Variants in STXBP4 observed in about 807,000 individuals in gnomAD.
STXBP4 encodes syntaxin-binding protein 4.
In STXBP4, 55 loss-of-function variants were observed where a neutral mutation model predicts 76.1. That is an observed-to-expected ratio of 0.72 (90% CI 0.58 to 0.91). The LOEUF is 0.91. Among genes scored for constraint, STXBP4 ranks in the 40% least tolerant of loss-of-function variants. The probability of loss-of-function intolerance (pLI) is 0.00; values close to 1 mark genes in which losing one functional copy is unlikely to be tolerated. For missense variants in STXBP4, 618 were observed against 636.9 expected, an observed-to-expected ratio of 0.97 and a Z score of 0.32; for synonymous variants, 201 against 220.2, an observed-to-expected ratio of 0.91 and a Z score of 0.77.
chr17:55,081,104 T>G lies in STXBP4; in HGVS notation c.1410T>G (p.Asn470Lys). The change falls in exon 16 of 18, where the codon AAT becomes AAG. Residue 470 changes from asparagine (N) to lysine (K), a missense_variant. By Grantham distance (94) the Asn-to-Lys change is moderately conservative. Transcript: ENST00000376352. ...SQTSLTPLGR[N>K]GRSIPATLAL... ...CTTCCCTCACACCACTGGGAAGGAATGGACGTAGCATCCCAGCAACGCTGG... is the reference window on the plus strand; with the variant it reads ...CTTCCCTCACACCACTGGGAAGGAAGGGACGTAGCATCCCAGCAACGCTGG... 6.4e-7 allele frequency: 1 copy of G among 1,558,350 alleles called. No homozygotes were observed. The highest frequency in any genetic ancestry group is 1.2e-5 in the South Asian group (1 of 82,706).
At chr17:55,094,701 T>C (rs1352367093) in intron 16 of STXBP4, among the ~76,000 whole-genome samples, 1 of 152,196 alleles carries the variant, frequency 6.6e-6, no homozygotes, top group Non-Finnish European at 1.5e-5. Flanking sequence ...TCTGCACTAA[T>C]CAACTATTGG....
At chr17:55,010,805 T>A (rs116421290) in intron 8 of STXBP4, among the ~76,000 whole-genome samples, 4 of 152,192 alleles carry the variant, frequency 2.6e-5, no homozygotes, top group African/African-American at 9.6e-5. Context: ...CTGAAAGGTG[T>A]GTGACTAATA....
chr17:55,112,754 T>C (rs2079734805), intron 16 of STXBP4, among the ~76,000 whole-genome samples: 1 of 151,994 alleles, frequency 6.6e-6, no homozygotes, highest in African/African-American at 2.4e-5. Context: ...AGAAAGTATA[T>C]AACAGGAGTG....
chr17:55,021,597 T>A (rs2078311606), intron 8 of STXBP4, among the ~76,000 whole-genome samples: 1 of 152,122 alleles, frequency 6.6e-6, no homozygotes. Flanking sequence ...TGCGTATTGT[T>A]GTTTCTTCAT....
chr17:55,043,976 G>A, intron 11 of STXBP4: 1 of 225,846 alleles, frequency 4.4e-6, no homozygotes, highest in Non-Finnish European at 8.6e-6. Context: ...AACCTCCCAA[G>A]TAACTGGGAC....
chr17:55,052,210 G>A (rs138822928), intron 12 of STXBP4, among the ~76,000 whole-genome samples: 15 of 152,126 alleles, frequency 9.9e-5, no homozygotes, highest in African/African-American at 3.1e-4. Context: ...AATGAGGAAG[G>A]GTAAGTAAAA....
intron 1 of STXBP4, among the ~76,000 whole-genome samples, chr17:54,983,872 C>G (rs1012039813): frequency 1.6e-4 from 25 of 152,272 alleles, no homozygotes; most frequent in Middle Eastern, 3.4e-3. Context: ...GCTGCAGTGG[C>G]TCTTGACTCT....
At chr17:55,043,618 G>C in intron 11 of STXBP4, 10 of 1,549,712 alleles carry the variant, frequency 6.5e-6, no homozygotes, top group Non-Finnish European at 7.9e-6. Flanking sequence ...TTAGTGGCCA[G>C]GGCAGAATTA....
chr17:55,061,939 G>A (rs2078999235), intron 12 of STXBP4, among the ~76,000 whole-genome samples: 1 of 152,068 alleles, frequency 6.6e-6, no homozygotes, highest in Admixed American at 6.6e-5. Context: ...AACTACTGGG[G>A]GAGGTTGGAT....
At chr17:55,189,074 T>C in the STXBP4 span, among the ~76,000 whole-genome samples, 4 of 152,078 alleles carry the variant, frequency 2.6e-5, no homozygotes, top group Non-Finnish European at 5.9e-5. Context: ...TAGGAATGAA[T>C]TATACTTGAG....
At chr17:55,071,242 A>C (rs1342266751) in intron 12 of STXBP4, among the ~76,000 whole-genome samples, 1 of 152,154 alleles carries the variant, frequency 6.6e-6, no homozygotes, top group Non-Finnish European at 1.5e-5. Context: ...TCTTACCCTG[A>C]GTAAAACCAA....
intron 16 of STXBP4, among the ~76,000 whole-genome samples, chr17:55,119,008 AG>A (rs1284211459): frequency 2.0e-5 from 3 of 150,994 alleles, no homozygotes; most frequent in African/African-American, 7.3e-5. Flanking sequence ...CACAATGTAT[AG>A]GTTTGTTACA....
rs189898589 is a variant in STXBP4 at position 54,990,759 on chromosome 17, G to T, written c.48-66G>T. On this transcript the variant is annotated intron_variant, in intron 3 of 17. Transcript: ENST00000376352. ...ATCTCAGATTTTGATTTAATAAGTA[G>T]TTTAAAGAAAAAAATAGGTGCAGAT... The T allele has an allele frequency of 1.5e-5, 22 of 1,507,850 alleles. No individual in the cohort carries two copies. In the African/African-American group the frequency reaches 3.1e-4, roughly 21 times the overall value. 93.4% of individuals were successfully genotyped at this position (1,507,850 alleles called of 1,614,324 possible). A position where few individuals can be genotyped will look rare whatever the true frequency, so the allele number is the denominator to read the frequency against.
Position 54,999,821 on chromosome 17 carries a change from T to A in STXBP4, c.477T>A (p.Asn159Lys), listed in dbSNP as rs2077878679. ...CCTCATCCACTCCCAAAACAAATAA[T>A]GACATTTTATCTTCTTGTGAGGTAA... is the stretch of plus-strand genomic sequence containing the variant. ...PKTSSTPKTNNDILSSCEIKT... is the reference protein window; with the variant it reads ...PKTSSTPKTNKDILSSCEIKT... Residue 159 changes from asparagine (N) to lysine (K), a missense_variant, in exon 6 of 18, where the codon AAT (asparagine) becomes AAA (lysine). Physicochemically the swap from Asn to Lys is moderately conservative, Grantham distance 94. Transcript: ENST00000376352. 6.2e-7 allele frequency: 1 copy of A among 1,611,860 alleles called. No individual in the cohort carries two copies. The highest frequency in any genetic ancestry group is 1.1e-5 in the South Asian group (1 of 90,898).
At chr17:54,982,625 T>A (rs920382430) in intron 1 of STXBP4, among the ~76,000 whole-genome samples, 2 of 145,048 alleles carry the variant, frequency 1.4e-5, no homozygotes, top group African/African-American at 2.5e-5. Flanking sequence ...TGTGTGTGTG[T>A]GAGTGTGGTG....
chr17:55,150,621 T>C (rs2080205560), intron 17 of STXBP4, among the ~76,000 whole-genome samples: 1 of 152,206 alleles, frequency 6.6e-6, no homozygotes, highest in Non-Finnish European at 1.5e-5. Context: ...TTCATTATAG[T>C]GTCATACATA....
chr17:55,186,516 C>G, the STXBP4 span, among the ~76,000 whole-genome samples: 2 of 151,922 alleles, frequency 1.3e-5, no homozygotes, highest in African/African-American at 4.8e-5. Flanking sequence ...TACTAAAATC[C>G]AAATGGGGAA....
chr17:55,206,481 G>A, the STXBP4 span, among the ~76,000 whole-genome samples: 11 of 152,162 alleles, frequency 7.2e-5, no homozygotes, highest in African/African-American at 2.7e-4. Flanking sequence ...ATCCTAGCGG[G>A]GTAGAGAGAA....
chr17:55,103,700 T>C (rs1000669852), intron 16 of STXBP4, among the ~76,000 whole-genome samples: 2 of 152,022 alleles, frequency 1.3e-5, no homozygotes, highest in African/African-American at 4.8e-5. Flanking sequence ...GGGGATAGCA[T>C]TGAATCTATA....
Sources: allele counts gnomAD v4.1 joint callset (sites outside exome capture counted in the v4.1 genomes callset), GRCh38; gene constraint gnomAD v4.1.1; transcripts MANE v1.5; gene names NCBI Gene and HGNC (gene_info 2026-07-23, HGNC 2026-07-21).